LIPG: variants seen among roughly 807,000 people sequenced by gnomAD.
The protein encoded by LIPG is endothelial lipase.
LIPG carries 34 observed loss-of-function variants against 51.8 expected under a neutral mutation model. The ratio of observed to expected loss-of-function variants is 0.66; its 90% CI spans 0.50 to 0.87. LIPG has a LOEUF of 0.87. LIPG is among the 40% of genes least tolerant of loss of function. LIPG has a pLI of 0.00. For synonymous variants in LIPG, 246 were observed against 246.1 expected, an observed-to-expected ratio of 1.00 and a Z score of 0.00; for missense variants, 580 against 652.7, an observed-to-expected ratio of 0.89 and a Z score of 1.21.
rs1462990621 is a variant in LIPG, at chr18:49,594,817, T to C, written c.*4295T>C. 6.6e-6 allele frequency: 1 copy of C among 152,188 alleles called. No homozygotes were observed. Among genetic ancestry groups the C allele is most frequent in the Non-Finnish European group, 1.5e-5 (1 of 68,028 alleles). The allele number at this position is 152,188 out of a possible 1,614,324, so 9.4% of individuals were successfully genotyped here. A position where few individuals can be genotyped will look rare whatever the true frequency, so the allele number is the denominator to read the frequency against. ...AGGCTTGATAATGGCTGTAGGGAGT[T>C]GGGTTAGACAATAAGAGATAAGTTC... On this transcript the variant is annotated 3_prime_UTR_variant, in exon 10 of 10. Coordinates refer to ENST00000261292, the MANE Select transcript of LIPG (RefSeq NM_006033.4).
intron 5 of LIPG, 106 bp from the exon 6 acceptor site, chr18:49,581,309 C>T: frequency 6.9e-7 from 1 of 1,450,936 alleles, no homozygotes; most frequent in Non-Finnish European, 9.7e-7. Context: ...ATACTAACAG[C>T]AACAATAAAC....
intron 4 of LIPG, among the ~76,000 whole-genome samples, chr18:49,572,140 T>C (rs897947717): frequency 6.6e-6 from 1 of 151,994 alleles, no homozygotes; most frequent in African/African-American, 2.4e-5. Flanking sequence ...GCCAACATGA[T>C]GAAACCCCAT....
At chr18:49,569,683 A>G in intron 4 of LIPG, 135 bp downstream of exon 4, 1 of 782,662 alleles carries the variant, frequency 1.3e-6, no homozygotes, top group Non-Finnish European at 2.1e-6. Flanking sequence ...AAAACTTCCC[A>G]AGCGTTTTTA....
chr18:49,563,196 A>G (rs143962996), intron 1 of LIPG, among the ~76,000 whole-genome samples: 5 of 152,098 alleles, frequency 3.3e-5, no homozygotes, highest in Non-Finnish European at 7.3e-5. Context: ...CTCATCTTCT[A>G]GTCTGCTGAG....
At position 49,579,764 on chromosome 18, in the gene LIPG, C is replaced by CTTTCCTTTCTTTTCT. The variant is rs1194564576; in HGVS notation, c.794-1647_794-1646insCTTTCTTTTCTTTTC. On this transcript the variant is annotated intron_variant, in intron 5 of 9. Coordinates refer to ENST00000261292, the MANE Select transcript of LIPG (RefSeq NM_006033.4). ...CCTTTCTTTCCTTTCCTTTCCTTTC[C>CTTTCCTTTCTTTTCT]TTTCTTTTCTTTTCTTTTCTTTTCT... Among the ~76,000 whole-genome samples, 140 of 112,198 alleles carry CTTTCCTTTCTTTTCT rather than the reference C, an allele frequency of 1.2e-3. 2 individuals carry two copies. The highest frequency in any genetic ancestry group is 8.4e-3 in the East Asian group (35 of 4,178). The allele number at this position is 112,198 out of a possible 152,430, so 73.6% of individuals were successfully genotyped here.
rs771306875 is a variant in LIPG, at chr18:49,569,538, C to T, written c.561C>T (p.Gly187=). Residue 187 remains glycine (G), a synonymous_variant, in exon 4 of 10, where the codon GGC becomes GGT. Transcript: ENST00000261292. Reference sequence around the variant, plus strand: ...GCAACTTCGTGAAAGGAACGGTGGGCCGAATCACAGGTGAGCTCCACTTCC... The same window carrying T: ...GCAACTTCGTGAAAGGAACGGTGGGTCGAATCACAGGTGAGCTCCACTTCC... The part of the protein sequence containing the change: ...YAGNFVKGTV[G]RITGLDPAGP... 6.2e-7 allele frequency: 1 copy of T among 1,613,332 alleles called. No individual in the cohort carries two copies. The highest frequency in any genetic ancestry group is 1.1e-5 in the South Asian group (1 of 91,030).
intron 5 of LIPG, among the ~76,000 whole-genome samples, chr18:49,579,273 C>G (rs1417396718): frequency 6.8e-6 from 1 of 146,928 alleles, no homozygotes; most frequent in Non-Finnish European, 1.5e-5. Context: ...TTTTTGGTAA[C>G]ATTTTAAAGA....
At chr18:49,576,126 C>G (rs1346495148) in intron 5 of LIPG, among the ~76,000 whole-genome samples, 1 of 152,054 alleles carries the variant, frequency 6.6e-6, no homozygotes, top group Admixed American at 6.6e-5. Context: ...GTGTGAGCCA[C>G]CGCACCCGGC....
chr18:49,567,154 TAGTG>T (rs1338501786), intron 2 of LIPG, among the ~76,000 whole-genome samples: 1 of 151,368 alleles, frequency 6.6e-6, no homozygotes, highest in Non-Finnish European at 1.5e-5. Context: ...CTGGGCAACA[TAGTG>T]AGACCCTGTT....
chr18:49,566,900 C>A (rs1905726251), intron 2 of LIPG, among the ~76,000 whole-genome samples: 1 of 152,084 alleles, frequency 6.6e-6, no homozygotes, highest in African/African-American at 2.4e-5. Flanking sequence ...CAGTATAGGA[C>A]ATTAGCTAGG....
intron 5 of LIPG, among the ~76,000 whole-genome samples, chr18:49,578,402 C>T (rs1431407508): frequency 3.4e-5 from 4 of 119,076 alleles, no homozygotes; most frequent in Admixed American, 7.9e-5. Context: ...GGGGCAGAGG[C>T]GCTCCCCACA....
At chr18:49,564,915 C>T (rs59669786) in intron 1 of LIPG, among the ~76,000 whole-genome samples, 5,563 of 152,248 alleles carry the variant, frequency 0.037, 333 homozygotes, top group African/African-American at 0.13. Context: ...GTGTATGCTC[C>T]ATGATGCCTT....
intron 5 of LIPG, among the ~76,000 whole-genome samples, chr18:49,579,787 T>TCCTTTC (rs1568533557): frequency 1.5e-4 from 13 of 88,674 alleles, no homozygotes; most frequent in African/African-American, 4.4e-4. Context: ...TCTTTTCTTT[T>TCCTTTC]CTTTTCTTTT....
At chr18:49,587,636 A>G (rs2084897864) in intron 9 of LIPG, among the ~76,000 whole-genome samples, 1 of 151,378 alleles carries the variant, frequency 6.6e-6, no homozygotes, top group African/African-American at 2.4e-5. Context: ...CAAGTGAAAT[A>G]CTGTAGATAG....
At chr18:49,569,696 C>G (rs904591545) in intron 4 of LIPG, 148 bp downstream of exon 4, 1 of 706,092 alleles carries the variant, frequency 1.4e-6, no homozygotes, top group Non-Finnish European at 2.4e-6. Flanking sequence ...CGTTTTTAGT[C>G]ACAAGAAACT....
Position 49,582,439 on chromosome 18 carries a change from C to G in LIPG, c.1114C>G (p.Leu372Val). 1 of 1,614,196 alleles carries G rather than the reference C, an allele frequency of 6.2e-7. No individual in the cohort carries two copies. The highest frequency in any genetic ancestry group is 8.5e-7 in the Non-Finnish European group (1 of 1,180,010). The change falls in exon 7 of 10, where the codon CTT becomes GTT. Residue 372 changes from leucine (L) to valine (V), a missense_variant. By Grantham distance (32) the Leu-to-Val change is conservative. Transcript: ENST00000261292. ...GEIEPTFYVT[L>V]YGTNADSQTL... ...AATTGAGCCCACCTTTTACGTCACCCTTTATGGCACTAATGCAGATTCCCA... is the reference window on the plus strand; with the variant it reads ...AATTGAGCCCACCTTTTACGTCACCGTTTATGGCACTAATGCAGATTCCCA...
rs1017944898 is a variant in LIPG at position 49,575,014 on chromosome 18, T to C, written c.572-355T>C. Among the ~76,000 whole-genome samples, 117 of 152,210 alleles carry C rather than the reference T, an allele frequency of 7.7e-4. 1 individual carries two copies. Among genetic ancestry groups the C allele is most frequent in the Non-Finnish European group, 1.1e-3 (77 of 68,032 alleles). On this transcript the variant is annotated intron_variant, in intron 4 of 9. Coordinates refer to ENST00000261292, the MANE Select transcript of LIPG (RefSeq NM_006033.4). ...GGACAAATGGCTTAGTTTCAGGCAG[T>C]CTGAGTTCTTTCTAGAACTGCTTCA... is the stretch of plus-strand genomic sequence containing the variant.
chr18:49,586,629 G>C, intron 8 of LIPG, 117 bp from the exon 9 acceptor site: 1 of 747,174 alleles, frequency 1.3e-6, no homozygotes, highest in Non-Finnish European at 2.4e-6. Flanking sequence ...CTTTTGAGTC[G>C]GGGCATGGCA....
At position 49,562,120 on chromosome 18, in the gene LIPG, T is replaced by G. The variant is rs966171060; in HGVS notation, c.-189T>G. 2 of 1,457,394 alleles carry G rather than the reference T, an allele frequency of 1.4e-6. No homozygotes were observed. The highest frequency in any genetic ancestry group is 2.8e-5 in the African/African-American group (2 of 70,312). 90.3% of individuals were successfully genotyped at this position (1,457,394 alleles called of 1,614,324 possible). A position where few individuals can be genotyped will look rare whatever the true frequency, so the allele number is the denominator to read the frequency against. Reference sequence around the variant, plus strand: ...GCAGATCTCGTTCTGGGGCAAGCCGTTGACACTCGCTCCCTGCCACCGCCC... The same window carrying G: ...GCAGATCTCGTTCTGGGGCAAGCCGGTGACACTCGCTCCCTGCCACCGCCC... On this transcript the variant is annotated 5_prime_UTR_variant, in exon 1 of 10. Coordinates refer to ENST00000261292, the MANE Select transcript of LIPG (RefSeq NM_006033.4).
Sources: allele counts gnomAD v4.1 joint callset (sites outside exome capture counted in the v4.1 genomes callset), GRCh38; gene constraint gnomAD v4.1.1; transcripts MANE v1.5; gene names NCBI Gene and HGNC (gene_info 2026-07-23, HGNC 2026-07-21).